TTN: variants seen among roughly 807,000 people sequenced by gnomAD.
TTN encodes the protein connectin.
In TTN, 1,525 loss-of-function variants were observed where a neutral mutation model predicts 3,223.0. That is an observed-to-expected ratio of 0.47 (90% confidence interval 0.45 to 0.49). TTN has a LOEUF of 0.49. Ranked by LOEUF, TTN falls within the 20% of genes least tolerant of loss-of-function variation. TTN has a pLI of 0.00. For missense variants in TTN, 40,786 were observed against 43,424.0 expected (o/e 0.94, Z 5.40); for synonymous variants, 14,094 against 15,161.0 (o/e 0.93, Z 5.17).
Position 178,721,778 on chromosome 2 carries a change from G to T in TTN, c.22816+69C>A, listed in dbSNP as rs941936264. 6 of 1,424,454 alleles carry T rather than the reference G, an allele frequency of 4.2e-6. No individual in the cohort carries two copies. The East Asian group carries it at 9.7e-5, about 23-fold the overall frequency. 88.2% of individuals were successfully genotyped at this position (1,424,454 alleles called of 1,614,324 possible). ...TTCTCTCAAACATTTAAAAACCAAA[G>T]AAACTTTTATAAGACAATTATGCAA... On this transcript the variant is annotated intron_variant, in intron 78 of 362. Coordinates refer to ENST00000589042, the MANE Select transcript of TTN (RefSeq NM_001267550.2).
rs374666520 is a variant in TTN at position 178,537,741 on chromosome 2, G to A, written c.99466C>T (p.His33156Tyr). The A allele has an allele frequency of 4.1e-5, 66 of 1,613,654 alleles. No individual in the cohort carries two copies. The highest frequency in any genetic ancestry group is 5.3e-5 in the Non-Finnish European group (62 of 1,179,788). Residue 33156 changes from histidine (H) to tyrosine (Y), a missense_variant, in exon 355 of 363, where the codon CAC (histidine) becomes TAC (tyrosine). Transcript: ENST00000589042. ...KYKMSSDGRT[H>Y]TLTVMTEEQE... ...TCCTCTGTCATTACTGTAAGAGTGTGTGTGCGTCCATCTGAAGACATTTTG... is the reference window on the plus strand; with the variant it reads ...TCCTCTGTCATTACTGTAAGAGTGTATGTGCGTCCATCTGAAGACATTTTG...
At position 178,565,976 on chromosome 2, in the gene TTN, A is replaced by G; in HGVS notation, c.80156T>C (p.Val26719Ala). 5.0e-6 allele frequency: 8 copies of G among 1,613,630 alleles called. No individual in the cohort carries two copies. The highest frequency in any genetic ancestry group is 5.9e-6 in the Non-Finnish European group (7 of 1,179,658). ...IDGGAKVKNY[V>A]IDKRESTRKA... ...TCTGGTTGACTCACGTTTGTCAATCACATAGTTCTTGACCTTTGCCCCTCC... is the reference window on the plus strand; with the variant it reads ...TCTGGTTGACTCACGTTTGTCAATCGCATAGTTCTTGACCTTTGCCCCTCC... Residue 26719 changes from valine (V) to alanine (A), a missense_variant, in exon 326 of 363, where the codon GTG becomes GCG. By Grantham distance (64) the Val-to-Ala change is moderately conservative. Transcript: ENST00000589042.
chr2:178,683,126 A>T, intron 134 of TTN, 85 bp downstream of exon 134: 1 of 1,027,368 alleles, frequency 9.7e-7, no homozygotes, highest in East Asian at 2.6e-5. Context: ...ATAAGCTAAT[A>T]AAGTATAGGA....
Position 178,577,659 on chromosome 2 carries a change from C to G in TTN, c.68767G>C (p.Gly22923Arg), listed in dbSNP as rs1206128467. The change falls in exon 323 of 363, where the codon GGT becomes CGT. Residue 22923 changes from glycine to arginine, a missense_variant. Gly to Arg is a moderately radical substitution (Grantham distance 125, BLOSUM62 -2). Transcript: ENST00000589042. ...CTTTCTGATGGAGCACTGATAGCAC[C>G]TGCTGTATTCTTTGCTCTAATTCTG... Reference protein sequence around the residue: ...EFRIRAKNTAGAISAPSESTE... With the variant: ...EFRIRAKNTARAISAPSESTE... The G allele has an allele frequency of 6.2e-7, 1 of 1,613,156 alleles. No individual in the cohort carries two copies. Among genetic ancestry groups the G allele is most frequent in the Admixed American group, 1.7e-5 (1 of 59,986 alleles).
intron 33 of TTN, among the ~76,000 whole-genome samples, chr2:178,772,389 C>T (rs1213669189): frequency 1.3e-5 from 2 of 152,040 alleles, no homozygotes; most frequent in African/African-American, 4.8e-5. Flanking sequence ...TGTAACATCT[C>T]AACTCCTCAA....
chr2:178,608,965 A>G lies in TTN; in HGVS notation c.52103-57T>C, dbSNP rs181782837. The G allele has an allele frequency of 2.1e-4, 334 of 1,570,218 alleles. No individual in the cohort carries two copies. In the African/African-American group the frequency reaches 4.3e-3, roughly 20 times the overall value. Reference sequence around the variant, plus strand: ...ATTTGTGTGGGAAGGGTTGCTATGGAAAATATAAATGTGAGCATGCTCCTC... The same window carrying G: ...ATTTGTGTGGGAAGGGTTGCTATGGGAAATATAAATGTGAGCATGCTCCTC... On this transcript the variant is annotated intron_variant, in intron 273 of 362. Coordinates refer to ENST00000589042, the MANE Select transcript of TTN (RefSeq NM_001267550.2).
chr2:178,547,453 G>A lies in TTN; in HGVS notation c.94173C>T (p.Val31391=). Reference sequence around the variant, plus strand: ...TTGGTGCTGATTCTAGAGGTTTGCTGACACCAAATCTGTTCTCTGAACTGA... The same window carrying A: ...TTGGTGCTGATTCTAGAGGTTTGCTAACACCAAATCTGTTCTCTGAACTGA... ...FRVSSENRFG[V]SKPLESAPII... Residue 31391 remains valine, a synonymous_variant, in exon 339 of 363, where the codon GTC becomes GTT. Transcript: ENST00000589042. 6.2e-7 allele frequency: 1 copy of A among 1,610,758 alleles called. No homozygotes were observed. The highest frequency in any genetic ancestry group is 2.2e-5 in the East Asian group (1 of 44,628).
At chr2:178,792,293 T>G in intron 9 of TTN, 96 bp from the exon 10 acceptor site, 1 of 1,269,290 alleles carries the variant, frequency 7.9e-7, no homozygotes. Flanking sequence ...TTTGAAGATG[T>G]AAAATCCCTT....
chr2:178,749,513 G>A lies in TTN; in HGVS notation c.11311+3611C>T, dbSNP rs727504927. On this transcript the variant is annotated intron_variant, in intron 47 of 362. Transcript: ENST00000589042. ...TGAATATTCTTTTACATTTGTCCAG[G>A]GAGTAAAGGGACCAGCTGGATAATC... The A allele has an allele frequency of 5.0e-6, 8 of 1,612,852 alleles. No homozygotes were observed. In the East Asian group the frequency reaches 1.3e-4, roughly 27 times the overall value.
intron 9 of TTN, among the ~76,000 whole-genome samples, chr2:178,793,028 G>C (rs145068645): frequency 1.3e-5 from 2 of 152,298 alleles, no homozygotes; most frequent in Non-Finnish European, 2.9e-5. Flanking sequence ...GATTTCTAAA[G>C]CAAAGTGAGT....
At chr2:178,555,234 C>A (rs1306566067) in intron 330 of TTN, 82 bp from the exon 331 acceptor site, 1 of 1,271,108 alleles carries the variant, frequency 7.9e-7, no homozygotes, top group Non-Finnish European at 1.1e-6. Context: ...AAAGTAAGGT[C>A]ATTGGCCATT....
chr2:178,562,226 A>C lies in TTN; in HGVS notation c.83906T>G (p.Phe27969Cys). The C allele has an allele frequency of 1.2e-6, 2 of 1,612,668 alleles. No homozygotes were observed. Among genetic ancestry groups the C allele is most frequent in the Non-Finnish European group, 1.7e-6 (2 of 1,179,406 alleles). Residue 27969 changes from phenylalanine (F) to cysteine (C), a missense_variant, in exon 326 of 363, where the codon TTC becomes TGC. Physicochemically the swap from Phe to Cys is radical, Grantham distance 205. Transcript: ENST00000589042. ...TCTAGCCTTTACATTGAAAGTATGG[A>C]AAGGAAGCTCAACTGAAGGCTTTAT... is the stretch of plus-strand genomic sequence containing the variant. ...IEIKPSVELP[F>C]HTFNVKAREQ... is the part of the protein sequence containing the mutation.
Position 178,530,551 on chromosome 2 carries a change from C to G in TTN, c.106064G>C (p.Gly35355Ala). 6.2e-7 allele frequency: 1 copy of G among 1,613,954 alleles called. No homozygotes were observed. Among genetic ancestry groups the G allele is most frequent in the South Asian group, 1.1e-5 (1 of 91,084 alleles). ...KINNLTESDQ[G>A]EYVCEISGEG... ...ACCAGAAATCTCACAAACATATTCT[C>G]CTTGATCAGATTCAGTGAGGTTATT... The change falls in exon 358 of 363, where the codon GGA (glycine) becomes GCA (alanine). Residue 35355 changes from glycine to alanine, a missense_variant. Physicochemically the swap from Gly to Ala is moderately conservative, Grantham distance 60. Coordinates refer to ENST00000589042, the MANE Select transcript of TTN (RefSeq NM_001267550.2).
chr2:178,705,648 C>A (rs986649670), intron 102 of TTN, among the ~76,000 whole-genome samples: 8 of 151,690 alleles, frequency 5.3e-5, no homozygotes, highest in African/African-American at 1.7e-4. Flanking sequence ...AACCAAAGAG[C>A]CTAGCTAATG....
In TTN at chr2:178,718,835, T is replaced by A. The variant is rs757736721; in HGVS notation, c.24365A>T (p.Glu8122Val). Residue 8122 changes from glutamate (E) to valine (V), a missense_variant, in exon 84 of 363, where the codon GAG becomes GTG. Physicochemically the swap from Glu to Val is moderately radical, Grantham distance 121. Coordinates refer to ENST00000589042, the MANE Select transcript of TTN (RefSeq NM_001267550.2). ...FKGSRELVPG[E>V]SCNISLEDFV... ...ATCTTCCAGAGAGATGTTGCATGAC[T>A]CCCCAGGCACCAGTTCCCTGCTGCC... 3 of 1,613,680 alleles carry A rather than the reference T, an allele frequency of 1.9e-6. No homozygotes were observed. Among genetic ancestry groups the A allele is most frequent in the Non-Finnish European group, 2.5e-6 (3 of 1,179,714 alleles).
chr2:178,556,480 A>C, intron 330 of TTN: 1 of 224,452 alleles, frequency 4.5e-6, no homozygotes, highest in Non-Finnish European at 8.5e-6. Flanking sequence ...CAAAAAATGA[A>C]GTCTCTGTTT....
intron 356 of TTN, 72 bp from the exon 357 acceptor site, chr2:178,536,647 A>G: frequency 7.5e-7 from 1 of 1,336,034 alleles, no homozygotes; most frequent in South Asian, 1.7e-5. Flanking sequence ...TTTTTTAAAA[A>G]AGAATGTTAT....
chr2:178,702,384 C>G, intron 107 of TTN, 70 bp downstream of exon 107: 1 of 1,606,594 alleles, frequency 6.2e-7, no homozygotes, highest in Non-Finnish European at 8.5e-7. Context: ...TGAGCGCATA[C>G]AGGGTAGAAA....
Position 178,662,985 on chromosome 2 carries a change from T to C in TTN, c.36771A>G (p.Pro12257=), listed in dbSNP as rs2065039450. 6.2e-7 allele frequency: 1 copy of C among 1,608,700 alleles called. No homozygotes were observed. The highest frequency in any genetic ancestry group is 1.1e-5 in the South Asian group (1 of 90,770). ...KKVPVPPAKK[P]EAPPPKVPEA... ...ACCTACCTTTAGGAGGTGGAGCTTC[T>C]GGCTTTTTGGCAGGAGGCACCGGTA... Residue 12257 remains proline, a synonymous_variant, in exon 174 of 363, where the codon CCA becomes CCG. Transcript: ENST00000589042.
Sources: allele counts gnomAD v4.1 joint callset (sites outside exome capture counted in the v4.1 genomes callset), GRCh38; gene constraint gnomAD v4.1.1; transcripts MANE v1.5; gene names NCBI Gene and HGNC (gene_info 2026-07-23, HGNC 2026-07-21).